Variants in ADGRB3 observed in about 807,000 individuals in gnomAD.
ADGRB3 encodes the protein brain-specific angiogenesis inhibitor 3.
In ADGRB3, 37 loss-of-function variants were observed where a neutral mutation model predicts 193.4. The ratio of observed to expected loss-of-function variants is 0.19; its 90% CI spans 0.15 to 0.25. The LOEUF (loss-of-function observed/expected upper bound fraction) is 0.25. Among genes scored for constraint, ADGRB3 ranks in the 10% least tolerant of loss-of-function variants. The pLI, the probability that ADGRB3 is intolerant of heterozygous loss-of-function variation, is 1.00. For synonymous variants in ADGRB3, 690 were observed against 644.2 expected (o/e 1.07, Z -1.08); for missense variants, 1,637 against 1,852.9 (o/e 0.88, Z 2.14).
At chr6:68,794,289 C>A (rs1040910558) in intron 3 of ADGRB3, among the ~76,000 whole-genome samples, 1 of 151,728 alleles carries the variant, frequency 6.6e-6, no homozygotes, top group African/African-American at 2.4e-5. Context: ...ATGTTAAGCT[C>A]TTCTTAATAT....
rs1035200604 is a variant in ADGRB3, at chr6:68,655,883, A to T, written c.757+16451A>T. ...TTCTTCTTCTGTGTATTTTTCTGCA[A>T]ATATGGATGTTCCTTTGGACTAGTC... On this transcript the variant is annotated intron_variant, in intron 3 of 31. Coordinates refer to ENST00000370598, the MANE Select transcript of ADGRB3 (RefSeq NM_001704.3). 2.6e-5 allele frequency among the ~76,000 whole-genome samples: 4 copies of T among 151,646 alleles called. No homozygotes were observed. The Admixed American group carries it at 2.6e-4, about 10-fold the overall frequency.
chr6:69,032,159 G>A (rs1294518069), intron 13 of ADGRB3, among the ~76,000 whole-genome samples: 1 of 152,104 alleles, frequency 6.6e-6, no homozygotes, highest in Non-Finnish European at 1.5e-5. Flanking sequence ...TTTCCCTGGA[G>A]ACCTTGTATA....
At chr6:69,275,527 A>G (rs950452819) in intron 20 of ADGRB3, among the ~76,000 whole-genome samples, 1 of 152,000 alleles carries the variant, frequency 6.6e-6, no homozygotes, top group Non-Finnish European at 1.5e-5. Context: ...GTATAATTAT[A>G]TTATTATTCC....
chr6:68,782,236 C>G (rs1766868471), intron 3 of ADGRB3, among the ~76,000 whole-genome samples: 2 of 148,496 alleles, frequency 1.3e-5, no homozygotes, highest in South Asian at 4.3e-4. Context: ...GTTTTTTTGT[C>G]CTTGTGATAG....
At chr6:68,987,956 C>G (rs1037146917) in intron 10 of ADGRB3, among the ~76,000 whole-genome samples, 2 of 152,156 alleles carry the variant, frequency 1.3e-5, no homozygotes, top group Non-Finnish European at 2.9e-5. Context: ...GCAATTCTGT[C>G]AGGAAGTGTA....
intron 23 of ADGRB3, chr6:69,332,612 C>A (rs1046374379): frequency 1.0e-6 from 1 of 985,316 alleles, no homozygotes; most frequent in Non-Finnish European, 1.2e-6. Context: ...AGGGTTGACT[C>A]AGACAGAAGA....
intron 3 of ADGRB3, among the ~76,000 whole-genome samples, chr6:68,880,045 A>G (rs557148739): frequency 1.3e-5 from 2 of 152,210 alleles, no homozygotes; most frequent in Non-Finnish European, 2.9e-5. Context: ...GTGTGTCATG[A>G]CACCTTGATA....
intron 17 of ADGRB3, among the ~76,000 whole-genome samples, chr6:69,088,261 G>A (rs1772604096): frequency 1.3e-5 from 2 of 152,220 alleles, no homozygotes; most frequent in South Asian, 4.1e-4. Context: ...TATACAAAAA[G>A]TGTCAAGTTT....
At chr6:68,989,899 A>C (rs565246574) in intron 10 of ADGRB3, among the ~76,000 whole-genome samples, 1 of 152,298 alleles carries the variant, frequency 6.6e-6, no homozygotes, top group African/African-American at 2.4e-5. Context: ...GAAAGGAAGT[A>C]GCAATAAGAG....
At chr6:69,331,065 C>T (rs947927747) in intron 23 of ADGRB3, among the ~76,000 whole-genome samples, 12 of 151,992 alleles carry the variant, frequency 7.9e-5, no homozygotes, top group Non-Finnish European at 1.6e-4. Flanking sequence ...TGTGTTTTAC[C>T]AGGTTCCGCA....
At chr6:69,251,543 G>A (rs1766620487) in intron 20 of ADGRB3, among the ~76,000 whole-genome samples, 1 of 152,152 alleles carries the variant, frequency 6.6e-6, no homozygotes, top group Non-Finnish European at 1.5e-5. Context: ...CTAAGCCTCA[G>A]TTGTTTTTAA....
At chr6:68,883,110 G>T (rs1205801725) in intron 3 of ADGRB3, among the ~76,000 whole-genome samples, 1 of 152,060 alleles carries the variant, frequency 6.6e-6, no homozygotes, top group Non-Finnish European at 1.5e-5. Flanking sequence ...TAGCCAGGAT[G>T]GTCTAGCTAA....
rs186079240 is a variant in ADGRB3 at position 69,162,361 on chromosome 6, A to G, written c.2481-70929A>G. On this transcript the variant is annotated intron_variant, in intron 17 of 31. Transcript: ENST00000370598. ...AATATTGGAAAGTAACTTAAGTTAT[A>G]TGAAAAAGAACTGTGTGGAGCTAAA... Among the ~76,000 whole-genome samples the G allele has an allele frequency of 5.3e-5, 8 of 152,268 alleles. No individual in the cohort carries two copies. The East Asian group carries it at 1.4e-3, about 26-fold the overall frequency.
intron 8 of ADGRB3, among the ~76,000 whole-genome samples, chr6:68,972,748 G>A (rs767663749): frequency 4.6e-5 from 7 of 152,036 alleles, no homozygotes; most frequent in East Asian, 3.9e-4. Context: ...AACACCTAAC[G>A]TAAGGAAGAA....
At chr6:69,000,495 T>A (rs1769542536) in intron 11 of ADGRB3, among the ~76,000 whole-genome samples, 1 of 150,056 alleles carries the variant, frequency 6.7e-6, no homozygotes, top group Non-Finnish European at 1.5e-5. Flanking sequence ...ATACTTATTT[T>A]CTATGTAAGG....
chr6:68,939,358 A>G (rs1767574775), intron 5 of ADGRB3, among the ~76,000 whole-genome samples: 1 of 152,112 alleles, frequency 6.6e-6, no homozygotes, highest in African/African-American at 2.4e-5. Flanking sequence ...GGCATAAGTG[A>G]CTCAAACCTT....
intron 17 of ADGRB3, among the ~76,000 whole-genome samples, chr6:69,207,989 G>C (rs1765574229): frequency 6.6e-6 from 1 of 152,182 alleles, no homozygotes; most frequent in African/African-American, 2.4e-5. Context: ...GTAGTTGGCT[G>C]ATCACCCAAG....
intron 3 of ADGRB3, among the ~76,000 whole-genome samples, chr6:68,834,378 A>G (rs1191198035): frequency 1.3e-5 from 2 of 152,176 alleles, no homozygotes; most frequent in Non-Finnish European, 2.9e-5. Context: ...GTAGAGAACA[A>G]TGCTGTAATC....
chr6:69,330,095 C>T (rs771511641), intron 22 of ADGRB3, among the ~76,000 whole-genome samples: 2 of 151,860 alleles, frequency 1.3e-5, no homozygotes, highest in Admixed American at 6.6e-5. Flanking sequence ...GTAAATGGCA[C>T]GTCTAAAACT....
Sources: allele counts gnomAD v4.1 joint callset (sites outside exome capture counted in the v4.1 genomes callset), GRCh38; gene constraint gnomAD v4.1.1; transcripts MANE v1.5; gene names NCBI Gene and HGNC (gene_info 2026-07-23, HGNC 2026-07-21).